Variants in TPD52 observed in about 807,000 individuals in gnomAD.
TPD52 encodes prostate and colon associated protein.
TPD52 carries 17 observed loss-of-function variants against 31.3 expected under a neutral mutation model. The observed-to-expected ratio is 0.54, with a 90% CI of 0.37 to 0.82. The LOEUF (loss-of-function observed/expected upper bound fraction) is 0.82, where lower values mean the gene tolerates loss of function less well. TPD52 is among the 40% of genes least tolerant of loss of function. The probability of loss-of-function intolerance (pLI) is 0.00; values close to 1 mark genes in which losing one functional copy is unlikely to be tolerated. For missense variants in TPD52, 212 were observed against 240.1 expected, an observed-to-expected ratio of 0.88 and a Z score of 0.77; for synonymous variants, 83 against 89.6, an observed-to-expected ratio of 0.93 and a Z score of 0.42.
chr8:80,167,242 C>T (rs1232763645), intron 1 of TPD52, among the ~76,000 whole-genome samples: 3 of 152,178 alleles, frequency 2.0e-5, no homozygotes, highest in Admixed American at 1.3e-4. Flanking sequence ...AGAGATTTCA[C>T]AACAGTCAAT....
At chr8:80,156,209 C>T (rs545761073) in intron 1 of TPD52, among the ~76,000 whole-genome samples, 1 of 152,296 alleles carries the variant, frequency 6.6e-6, no homozygotes, top group Non-Finnish European at 1.5e-5. Flanking sequence ...GAAGACCTAG[C>T]AACTGAGGTT....
intron 1 of TPD52, among the ~76,000 whole-genome samples, chr8:80,087,530 T>G (rs1055720959): frequency 1.5e-4 from 23 of 152,182 alleles, no homozygotes; most frequent in African/African-American, 5.6e-4. Flanking sequence ...TGCCTTAGAT[T>G]CAGCAGCCCT....
intron 1 of TPD52, among the ~76,000 whole-genome samples, chr8:80,139,616 C>T (rs1182500418): frequency 7.1e-6 from 1 of 139,994 alleles, no homozygotes; most frequent in Admixed American, 7.4e-5. Flanking sequence ...ATGAAAATAA[C>T]AAGTAGCAAT....
At chr8:80,110,484 T>C (rs1266867455) in intron 1 of TPD52, among the ~76,000 whole-genome samples, 2 of 151,688 alleles carry the variant, frequency 1.3e-5, no homozygotes, top group African/African-American at 4.8e-5. Flanking sequence ...TCCAAGTTTA[T>C]AAATGAGAGG....
At chr8:80,096,679 T>C (rs573092539) in intron 1 of TPD52, among the ~76,000 whole-genome samples, 1 of 152,292 alleles carries the variant, frequency 6.6e-6, no homozygotes, top group South Asian at 2.1e-4. Flanking sequence ...ATGTTACTAT[T>C]GTAATTGTTT....
At chr8:80,141,440 C>T (rs915565411) in intron 1 of TPD52, among the ~76,000 whole-genome samples, 6 of 152,108 alleles carry the variant, frequency 3.9e-5, no homozygotes, top group African/African-American at 1.4e-4. Flanking sequence ...TGGAGAGGTC[C>T]CTGGGGTGAG....
intron 5 of TPD52, among the ~76,000 whole-genome samples, chr8:80,045,749 C>G (rs552786943): frequency 1.3e-5 from 2 of 152,264 alleles, no homozygotes; most frequent in African/African-American, 4.8e-5. Flanking sequence ...TTGGGTGGAG[C>G]CTGGCCTTGC....
At chr8:80,093,088 C>G (rs1158748956) in intron 1 of TPD52, among the ~76,000 whole-genome samples, 1 of 152,012 alleles carries the variant, frequency 6.6e-6, no homozygotes, top group African/African-American at 2.4e-5. Context: ...ACAAAGCAGG[C>G]AAGTTCAGAT....
chr8:80,167,771 T>C (rs907943794), intron 1 of TPD52, among the ~76,000 whole-genome samples: 6 of 152,220 alleles, frequency 3.9e-5, no homozygotes, highest in Admixed American at 3.3e-4. Context: ...CTCTCTAGTT[T>C]TTTGGCCTCA....
intron 2 of TPD52, 130 bp downstream of exon 2, chr8:80,064,348 T>C (rs1215302966): frequency 1.3e-6 from 1 of 750,804 alleles, no homozygotes; most frequent in East Asian, 2.6e-5. Flanking sequence ...CAAGACCTGC[T>C]GGAGAAGTAA....
chr8:80,085,887 G>C (rs1815712294), intron 1 of TPD52, among the ~76,000 whole-genome samples: 1 of 152,102 alleles, frequency 6.6e-6, no homozygotes, highest in Admixed American at 6.5e-5. Flanking sequence ...CCTTTTGGCT[G>C]AGATCAAGTG....
chr8:80,081,262 C>G (rs780430229), intron 1 of TPD52, among the ~76,000 whole-genome samples: 11 of 148,804 alleles, frequency 7.4e-5, no homozygotes, highest in Non-Finnish European at 1.6e-4. Flanking sequence ...CCCACACCTT[C>G]TTTGTTTGTC....
chr8:80,103,676 T>C (rs1198268068), intron 1 of TPD52, among the ~76,000 whole-genome samples: 2 of 152,356 alleles, frequency 1.3e-5, no homozygotes, highest in Non-Finnish European at 2.9e-5. Context: ...TAGACTTAGA[T>C]ACGTGCATTC....
At chr8:80,056,807 A>G (rs1301471325) in intron 2 of TPD52, among the ~76,000 whole-genome samples, 1 of 152,184 alleles carries the variant, frequency 6.6e-6, no homozygotes, top group Non-Finnish European at 1.5e-5. Flanking sequence ...GCTCCTCAAA[A>G]AGTTAAACAT....
At chr8:80,126,758 C>T (rs575325021) in intron 1 of TPD52, among the ~76,000 whole-genome samples, 38 of 152,234 alleles carry the variant, frequency 2.5e-4, no homozygotes, top group African/African-American at 8.2e-4. Flanking sequence ...GCTGGGATTA[C>T]AAGCATGAGC....
chr8:80,113,824 A>G (rs913890274), intron 1 of TPD52, among the ~76,000 whole-genome samples: 2 of 152,214 alleles, frequency 1.3e-5, no homozygotes, highest in Non-Finnish European at 2.9e-5. Context: ...GAAATGATAA[A>G]TGTTTGTGGT....
At chr8:80,072,317 A>ATGTG (rs146024001) in intron 1 of TPD52, among the ~76,000 whole-genome samples, 6,468 of 121,334 alleles carry the variant, frequency 0.053, 683 homozygotes, top group Non-Finnish European at 0.06. Flanking sequence ...AAAAACATAT[A>ATGTG]TGTGTGTGTG....
chr8:80,113,977 G>A (rs555799277), intron 1 of TPD52, among the ~76,000 whole-genome samples: 1 of 152,288 alleles, frequency 6.6e-6, no homozygotes, highest in African/African-American at 2.4e-5. Context: ...GGGCATGGTG[G>A]CTCACACCTG....
intron 1 of TPD52, among the ~76,000 whole-genome samples, chr8:80,154,399 T>C (rs1450111524): frequency 6.6e-6 from 1 of 152,196 alleles, no homozygotes; most frequent in Non-Finnish European, 1.5e-5. Context: ...AAGCCCAAGG[T>C]GGACGTGACA....
Sources: gnomAD v4.1 joint callset for allele counts (sites outside exome capture counted in the v4.1 genomes callset) on GRCh38, gnomAD v4.1.1 for gene constraint, MANE v1.5 for transcripts, NCBI Gene and HGNC (gene_info 2026-07-23, HGNC 2026-07-21) for gene names.